ZBTB37: variants seen among roughly 807,000 people sequenced by gnomAD.
ZBTB37 encodes the protein zinc finger and BTB domain-containing protein 37.
In ZBTB37, 15 loss-of-function variants were observed where a neutral mutation model predicts 37.7. The ratio of observed to expected loss-of-function variants is 0.40; its 90% CI spans 0.27 to 0.61. ZBTB37 has a LOEUF of 0.61. Among genes scored for constraint, ZBTB37 ranks in the 20% least tolerant of loss-of-function variants. The pLI is 0.44. For missense variants in ZBTB37, 514 were observed against 641.9 expected, an observed-to-expected ratio of 0.80 and a Z score of 2.15; for synonymous variants, 231 against 220.6, an observed-to-expected ratio of 1.05 and a Z score of -0.42.
rs1334119150 is a variant in ZBTB37, at chr1:173,870,728, A to G, written c.503A>G (p.Asn168Ser). Residue 168 changes from asparagine to serine, a missense_variant, in exon 3 of 5, where the codon AAT becomes AGT. Asn to Ser is a conservative substitution (Grantham distance 46). This residue lies in a region of ZBTB37 where 323 missense variants were observed against 321.9 expected (regional missense o/e 1.00). Coordinates refer to ENST00000427304, the Ensembl canonical transcript of ZBTB37. ...AACCGCTCCCTTAGCCCACGACATA[A>G]TACCCCAAAGGGAAACCGGCGAGGT... The G allele has an allele frequency of 2.5e-6, 4 of 1,614,076 alleles. No individual in the cohort carries two copies. The African/African-American group carries it at 4.0e-5, about 16-fold the overall frequency.
chr1:173,889,389 G>A (rs777108176), downstream of ZBTB37: 3 of 152,164 alleles, frequency 2.0e-5, no homozygotes, highest in Non-Finnish European at 2.9e-5. Flanking sequence ...TAACTTGCAC[G>A]TGTTACCTTG....
chr1:173,902,660 T>C (rs562171692), exon 4 of ZBTB37: 42 of 152,294 alleles, frequency 2.8e-4, no homozygotes, highest in Non-Finnish European at 5.3e-4. Flanking sequence ...AACCCTACTT[T>C]AATCATTATC....
chr1:173,872,922 G>A lies in ZBTB37; in HGVS notation c.924-545G>A, dbSNP rs536740802. ...CTGGGCCAGCTGAGGCAGGAGAATC[G>A]CTTGAACCCAGGAAGTGGAGGTTGC... On this transcript the variant is annotated intron_variant, in intron 3 of 4. Transcript: ENST00000427304. 2.0e-3 allele frequency among the ~76,000 whole-genome samples: 296 copies of A among 151,732 alleles called. 1 individual carries two copies. Among genetic ancestry groups the A allele is most frequent in the African/African-American group, 6.7e-3 (276 of 41,352 alleles).
chr1:173,873,136 G>T (rs190395864), intron 3 of ZBTB37, among the ~76,000 whole-genome samples: 1 of 152,132 alleles, frequency 6.6e-6, no homozygotes, highest in Admixed American at 6.5e-5. Context: ...TGGTAATTAC[G>T]TAGAAGAAAC....
chr1:173,903,000 G>T (rs1020347511), exon 4 of ZBTB37: 1 of 152,192 alleles, frequency 6.6e-6, no homozygotes, highest in Non-Finnish European at 1.5e-5. Flanking sequence ...CTACCAATTT[G>T]TCAGAAACTT....
chr1:173,899,507 C>T (rs978106365), exon 4 of ZBTB37: 1 of 152,180 alleles, frequency 6.6e-6, no homozygotes, highest in Non-Finnish European at 1.5e-5. Flanking sequence ...TGGACAGAAG[C>T]CATGGAGTCT....
At chr1:173,872,709 A>G (rs553358427) in intron 3 of ZBTB37, among the ~76,000 whole-genome samples, 6 of 152,168 alleles carry the variant, frequency 3.9e-5, no homozygotes, top group East Asian at 1.9e-4. Flanking sequence ...AAAAAAAACT[A>G]TCAGAAGTAA....
At chr1:173,870,680 C>G in exon 3 of ZBTB37, 1 of 1,614,182 alleles carries the variant, frequency 6.2e-7, no homozygotes, top group South Asian at 1.1e-5. Flanking sequence ...CCTCCAGAGT[C>G]TCACAGGGTT....
exon 3 of ZBTB37, chr1:173,871,111 G>A (rs924342530): frequency 6.2e-7 from 1 of 1,611,852 alleles, no homozygotes; most frequent in Non-Finnish European, 8.5e-7. Flanking sequence ...GTCTTCAGGA[G>A]CCAAGGTGGC....
At chr1:173,875,998 G>T (rs1303522750) in intron 4 of ZBTB37, among the ~76,000 whole-genome samples, 3 of 152,086 alleles carry the variant, frequency 2.0e-5, no homozygotes, top group African/African-American at 7.2e-5. Context: ...TTCATGTACT[G>T]TATCTTGTCA....
At chr1:173,899,081 C>G (rs1053801853) in exon 4 of ZBTB37, 1 of 152,320 alleles carries the variant, frequency 6.6e-6, no homozygotes, top group Non-Finnish European at 1.5e-5. Context: ...AATAATAAGA[C>G]AAGCATTACT....
chr1:173,882,862 T>C (rs1036523614), intron 4 of ZBTB37, among the ~76,000 whole-genome samples: 3 of 152,236 alleles, frequency 2.0e-5, no homozygotes, highest in Non-Finnish European at 2.9e-5. Flanking sequence ...GGAGATTTCT[T>C]AGGGTATTGT....
downstream of ZBTB37, chr1:173,891,324 CCCCTACCTTTT>C (rs1376766807): frequency 2.6e-5 from 4 of 152,140 alleles, no homozygotes; most frequent in Non-Finnish European, 5.9e-5. Context: ...TGGATTAGAA[CCCCTACCTTTT>C]CCCTTTGCAA....
exon 4 of ZBTB37, chr1:173,902,824 A>G (rs1043088561): frequency 6.6e-6 from 1 of 152,174 alleles, no homozygotes; most frequent in Admixed American, 6.5e-5. Context: ...CTGTGAAATG[A>G]ACCAAATTTC....
At chr1:173,875,330 A>ATT (rs1194584064) in intron 4 of ZBTB37, among the ~76,000 whole-genome samples, 28 of 122,456 alleles carry the variant, frequency 2.3e-4, no homozygotes, top group Admixed American at 1.1e-3. Context: ...ATATATATAT[A>ATT]TTTTTTTTTT....
chr1:173,886,847 A>T (rs1656646729), downstream of ZBTB37: 1 of 152,202 alleles, frequency 6.6e-6, no homozygotes, highest in Non-Finnish European at 1.5e-5. Flanking sequence ...GGGGGGCTTG[A>T]GTGTTGTGTT....
rs1553211743 is a variant in ZBTB37, at chr1:173,874,269, A to AG, written c.1023+703_1023+704insG. On this transcript the variant is annotated intron_variant, in intron 4 of 4. Transcript: ENST00000427304. ...AAACTCCGTCTCAAAAAAAAAAAAA[A>AG]AAAAGAAATACAAGGGAACTTTCTT... 1.5e-3 allele frequency among the ~76,000 whole-genome samples: 229 copies of AG among 152,044 alleles called. 1 individual carries two copies. Among genetic ancestry groups the AG allele is most frequent in the African/African-American group, 5.2e-3 (217 of 41,478 alleles).
At chr1:173,880,277 T>A (rs1348044972) in intron 4 of ZBTB37, among the ~76,000 whole-genome samples, 2 of 152,220 alleles carry the variant, frequency 1.3e-5, no homozygotes, top group Non-Finnish European at 2.9e-5. Context: ...ACCTACTAAA[T>A]AGGGAGTTAT....
chr1:173,879,272 T>C (rs984407919), intron 4 of ZBTB37, among the ~76,000 whole-genome samples: 2 of 152,124 alleles, frequency 1.3e-5, no homozygotes, highest in Non-Finnish European at 2.9e-5. Context: ...AAAAATGGTC[T>C]TGACTCAGGA....
Sources: gnomAD v4.1 joint callset for allele counts (sites outside exome capture counted in the v4.1 genomes callset) on GRCh38, gnomAD v4.1.1 for gene constraint, gnomAD v4.1.1 regional missense constraint, MANE v1.5 for transcripts, NCBI Gene and HGNC (gene_info 2026-07-23, HGNC 2026-07-21) for gene names.